Variants in CAST observed in about 807,000 individuals in gnomAD.
CAST encodes the protein MIR583 host.
CAST carries 76 observed loss-of-function variants against 119.6 expected under a neutral mutation model. The observed-to-expected ratio is 0.64, with a 90% confidence interval of 0.53 to 0.77. CAST has a LOEUF of 0.77. Ranked by LOEUF, CAST falls within the 30% of genes least tolerant of loss-of-function variation. The pLI is 0.00. For missense variants in CAST, 953 were observed against 946.5 expected (o/e 1.01, Z -0.09); for synonymous variants, 319 against 331.6 (o/e 0.96, Z 0.41).
the CAST span, among the ~76,000 whole-genome samples, chr5:96,247,485 GA>G: frequency 8.5e-5 from 13 of 152,258 alleles, no homozygotes; most frequent in Non-Finnish European, 1.6e-4. Flanking sequence ...AACTTGGAGT[GA>G]GCTTTTGTGC....
rs116635833 is a variant in CAST, at chr5:96,702,174, T to C, written c.210+6267T>C. 7.9e-3 allele frequency among the ~76,000 whole-genome samples: 1,199 copies of C among 152,288 alleles called. 9 individuals carry two copies. The highest frequency in any genetic ancestry group is 0.012 in the Admixed American group (188 of 15,304). Reference sequence around the variant, plus strand: ...TTTAATGTGGTTGGTGTACGGCTTTTCATTTATTTTAAAATTTTTTATAAT... The same window carrying C: ...TTTAATGTGGTTGGTGTACGGCTTTCCATTTATTTTAAAATTTTTTATAAT... On this transcript the variant is annotated intron_variant, in intron 3 of 31. Transcript: ENST00000675179.
intron 1 of CAST, among the ~76,000 whole-genome samples, chr5:96,620,601 T>G (rs1747584531): frequency 6.6e-6 from 1 of 152,212 alleles, no homozygotes; most frequent in African/African-American, 2.4e-5. Flanking sequence ...GCTAGGATGT[T>G]CAGTAGGTTA....
At chr5:96,536,673 A>G (rs1745822267) in intron 1 of CAST, among the ~76,000 whole-genome samples, 1 of 152,216 alleles carries the variant, frequency 6.6e-6, no homozygotes, top group South Asian at 2.1e-4. Flanking sequence ...CACATTTCTC[A>G]AGTAAATCTT....
chr5:96,745,161 G>C (rs1000122439), intron 16 of CAST, among the ~76,000 whole-genome samples: 2 of 152,208 alleles, frequency 1.3e-5, no homozygotes, highest in South Asian at 4.1e-4. Flanking sequence ...GACCTGGGGA[G>C]TGCTGCTCCA....
the CAST span, among the ~76,000 whole-genome samples, chr5:96,500,773 C>T: frequency 6.6e-6 from 1 of 152,100 alleles, no homozygotes; most frequent in East Asian, 1.9e-4. Context: ...ATCACCGTCT[C>T]GGGAAATGGG....
At chr5:96,301,458 C>T in the CAST span, among the ~76,000 whole-genome samples, 1 of 152,156 alleles carries the variant, frequency 6.6e-6, no homozygotes, top group Admixed American at 6.5e-5. Context: ...AAAGTCTTAA[C>T]TCATTCCATT....
the CAST span, among the ~76,000 whole-genome samples, chr5:96,019,277 T>C: frequency 6.6e-6 from 1 of 152,218 alleles, no homozygotes; most frequent in Admixed American, 6.5e-5. Context: ...TGAAGAAATA[T>C]CATAGTTTCT....
chr5:96,682,413 C>G (rs1751538412), intron 2 of CAST, among the ~76,000 whole-genome samples: 1 of 152,182 alleles, frequency 6.6e-6, no homozygotes, highest in African/African-American at 2.4e-5. Context: ...CTCTTTGTCT[C>G]ACTCCATTAT....
chr5:96,505,949 C>CTAAA, the CAST span, among the ~76,000 whole-genome samples: 1 of 152,218 alleles, frequency 6.6e-6, no homozygotes, highest in African/African-American at 2.4e-5. Context: ...AGAAAAGAAG[C>CTAAA]TAAACTCTGC....
chr5:96,386,473 C>T, the CAST span, among the ~76,000 whole-genome samples: 1 of 152,206 alleles, frequency 6.6e-6, no homozygotes, highest in Non-Finnish European at 1.5e-5. Flanking sequence ...GCCACATAAT[C>T]TTAGCCAGAG....
the CAST span, among the ~76,000 whole-genome samples, chr5:96,169,539 T>G: frequency 6.6e-6 from 1 of 151,982 alleles, no homozygotes. Flanking sequence ...ATGGGGGAAT[T>G]GTAAGGAGAG....
chr5:96,671,372 T>C (rs1297870988), intron 1 of CAST, among the ~76,000 whole-genome samples: 1 of 152,208 alleles, frequency 6.6e-6, no homozygotes, highest in Non-Finnish European at 1.5e-5. Context: ...TTTCATGTTT[T>C]GTTATTTTTC....
At chr5:96,647,069 G>T (rs939253408) in intron 1 of CAST, among the ~76,000 whole-genome samples, 1 of 152,136 alleles carries the variant, frequency 6.6e-6, no homozygotes, top group Non-Finnish European at 1.5e-5. Context: ...TGACTTTTCT[G>T]CTGGGAACTG....
chr5:96,553,575 C>G (rs1334355995), intron 1 of CAST, among the ~76,000 whole-genome samples: 2 of 152,082 alleles, frequency 1.3e-5, no homozygotes, highest in Non-Finnish European at 2.9e-5. Context: ...CAAGAGAAGG[C>G]AATAAAGGTA....
At chr5:96,373,649 A>G in the CAST span, among the ~76,000 whole-genome samples, 2 of 152,178 alleles carry the variant, frequency 1.3e-5, no homozygotes, top group African/African-American at 4.8e-5. Flanking sequence ...AACATCTAAC[A>G]ATAGAATCGT....
intron 1 of CAST, among the ~76,000 whole-genome samples, chr5:96,664,674 T>C (rs971900949): frequency 3.9e-5 from 6 of 152,222 alleles, no homozygotes; most frequent in Non-Finnish European, 5.9e-5. Context: ...AGAAATTATA[T>C]GCACTACATA....
the CAST span, among the ~76,000 whole-genome samples, chr5:96,131,718 T>G: frequency 1.3e-5 from 2 of 152,186 alleles, no homozygotes; most frequent in African/African-American, 4.8e-5. Context: ...GTATTTGCTC[T>G]CATATAGGTG....
intron 1 of CAST, among the ~76,000 whole-genome samples, chr5:96,611,827 C>A (rs1304188710): frequency 6.6e-6 from 1 of 152,104 alleles, no homozygotes; most frequent in Non-Finnish European, 1.5e-5. Context: ...AAGCAGCCAA[C>A]AAGCATATGG....
chr5:96,570,734 A>G (rs1746553614), intron 1 of CAST, among the ~76,000 whole-genome samples: 1 of 152,194 alleles, frequency 6.6e-6, no homozygotes, highest in Non-Finnish European at 1.5e-5. Context: ...TAGGAAAAAT[A>G]TTAAACTGGT....
Sources: allele counts gnomAD v4.1 joint callset (sites outside exome capture counted in the v4.1 genomes callset), GRCh38; gene constraint gnomAD v4.1.1; transcripts MANE v1.5; gene names NCBI Gene and HGNC (gene_info 2026-07-23, HGNC 2026-07-21).